The following CLIC5 variants were observed in gnomAD, a reference collection of about 807,000 sequenced individuals.
CLIC5 encodes CLIC family member 5.
CLIC5 carries 20 observed loss-of-function variants against 24.7 expected under a neutral mutation model. The ratio of observed to expected loss-of-function variants is 0.81; its 90% confidence interval spans 0.57 to 1.18. The LOEUF (loss-of-function observed/expected upper bound fraction) is 1.18, where lower values mean the gene tolerates loss of function less well. Among genes scored for constraint, CLIC5 ranks in the 50% most tolerant of loss-of-function variants. CLIC5 has a pLI of 0.00. For missense variants in CLIC5, 341 were observed against 326.1 expected, an observed-to-expected ratio of 1.05 and a Z score of -0.35; for synonymous variants, 159 against 135.6, an observed-to-expected ratio of 1.17 and a Z score of -1.20.
intron 6 of CLIC5, among the ~76,000 whole-genome samples, chr6:45,889,340 C>T (rs1762330303): frequency 6.6e-6 from 1 of 152,124 alleles, no homozygotes; most frequent in Non-Finnish European, 1.5e-5. Context: ...GAGAGCTCTA[C>T]CCTCATGACT....
downstream of CLIC5, among the ~76,000 whole-genome samples, chr6:45,896,556 A>G (rs1470161636): frequency 6.6e-6 from 1 of 152,222 alleles, no homozygotes; most frequent in Non-Finnish European, 1.5e-5. Context: ...CACAAGGTAA[A>G]ACTTACTGGG....
chr6:46,016,085 G>T (rs550186799), upstream of CLIC5, among the ~76,000 whole-genome samples: 12 of 151,110 alleles, frequency 7.9e-5, no homozygotes, highest in African/African-American at 2.9e-4. Flanking sequence ...GGCAGAAAGA[G>T]TCGAGGAGAA....
At chr6:46,010,784 G>A (rs1280841880) in intron 1 of CLIC5, among the ~76,000 whole-genome samples, 1 of 152,224 alleles carries the variant, frequency 6.6e-6, no homozygotes, top group Admixed American at 6.5e-5. Flanking sequence ...AGCACTCACT[G>A]CCATAGCAGG....
At chr6:46,073,404 TG>T (rs1762674505) in intron 1 of CLIC5, among the ~76,000 whole-genome samples, 1 of 152,208 alleles carries the variant, frequency 6.6e-6, no homozygotes, top group East Asian at 1.9e-4. Context: ...CCACGAAAAT[TG>T]GTTTATATGA....
intron 2 of CLIC5, among the ~76,000 whole-genome samples, chr6:45,952,473 C>T (rs749406620): frequency 6.0e-4 from 91 of 152,130 alleles, no homozygotes; most frequent in Non-Finnish European, 1.1e-3. Flanking sequence ...ACATGGCCTG[C>T]CTCGATAAAT....
the CLIC5 span, among the ~76,000 whole-genome samples, chr6:46,086,112 G>T: frequency 6.6e-5 from 10 of 152,320 alleles, 1 homozygote; most frequent in East Asian, 1.9e-3. Context: ...GCAGTATTAG[G>T]GTGGGAGTGA....
rs763828992 is a variant in CLIC5 at position 45,903,135 on chromosome 6, T to G, written c.709A>C (p.Ile237Leu). 1.2e-6 allele frequency: 2 copies of G among 1,614,198 alleles called. No individual in the cohort carries two copies. The highest frequency in any genetic ancestry group is 2.2e-5 in the South Asian group (2 of 91,076). The change falls in exon 6 of 6, where the codon ATC becomes CTC. Residue 237 changes from isoleucine to leucine, a missense_variant. By Grantham distance (5) the Ile-to-Leu change is conservative. Transcript: ENST00000339561. The part of the protein sequence containing the change: ...FTNTCAADSE[I>L]ELAYADVAKR... The stretch of plus-strand genomic sequence containing the variant: ...GCGACATCAGCGTAGGCCAACTCGA[T>G]CTCACTGTCAGCTGCACAGGTGTTG...
intron 1 of CLIC5, among the ~76,000 whole-genome samples, chr6:46,058,586 A>G (rs538893932): frequency 6.6e-6 from 1 of 152,240 alleles, no homozygotes; most frequent in Non-Finnish European, 1.5e-5. Context: ...ATATGTGCAA[A>G]GTGCCATGGG....
chr6:46,065,616 G>T (rs141152591), intron 1 of CLIC5, among the ~76,000 whole-genome samples: 1 of 152,104 alleles, frequency 6.6e-6, no homozygotes, highest in Non-Finnish European at 1.5e-5. Context: ...GCTGATTTAC[G>T]TACCAACATG....
the CLIC5 span, among the ~76,000 whole-genome samples, chr6:46,088,524 A>C: frequency 6.6e-6 from 1 of 152,198 alleles, no homozygotes; most frequent in Non-Finnish European, 1.5e-5. Flanking sequence ...TTACTATAGA[A>C]AAAGATAAGA....
chr6:46,054,073 G>C (rs1768179335), intron 1 of CLIC5, among the ~76,000 whole-genome samples: 1 of 152,102 alleles, frequency 6.6e-6, no homozygotes, highest in African/African-American at 2.4e-5. Context: ...GCTCCAGGTG[G>C]GGGTAGGCTG....
chr6:45,912,833 T>G, intron 5 of CLIC5: 1 of 867,796 alleles, frequency 1.2e-6, no homozygotes, highest in Non-Finnish European at 1.9e-6. Flanking sequence ...AAGTGACTAT[T>G]GGCTTGGCCC....
At chr6:46,100,574 C>G in the CLIC5 span, among the ~76,000 whole-genome samples, 5 of 152,168 alleles carry the variant, frequency 3.3e-5, no homozygotes, top group Non-Finnish European at 4.4e-5. Flanking sequence ...ACCACAGGGG[C>G]AGCAATTTAC....
In CLIC5 at chr6:46,039,648, TA is replaced by T. The variant is rs1304210798; in HGVS notation, c.540+40054del. Among the ~76,000 whole-genome samples, 5 of 152,176 alleles carry T rather than the reference TA, an allele frequency of 3.3e-5. No individual in the cohort carries two copies. The East Asian group carries it at 7.7e-4, about 23-fold the overall frequency. ...TATAAATAAAACAGATATGTTGGAA[TA>T]AAAAACAAAAGGGATTGTAAGGAAG... On this transcript the variant is annotated intron_variant, in intron 1 of 5. Transcript: ENST00000185206.
At chr6:45,944,136 A>G (rs567868901) in intron 3 of CLIC5, among the ~76,000 whole-genome samples, 2 of 152,260 alleles carry the variant, frequency 1.3e-5, no homozygotes, top group African/African-American at 4.8e-5. Context: ...CTAACTCAGG[A>G]GTCAGCAAAC....
chr6:45,960,953 T>A (rs1438548244), intron 1 of CLIC5, among the ~76,000 whole-genome samples: 1 of 152,220 alleles, frequency 6.6e-6, no homozygotes, highest in Non-Finnish European at 1.5e-5. Context: ...GAGAGTTTCC[T>A]TATATGTCAT....
At chr6:45,939,354 C>T (rs1373124019) in intron 4 of CLIC5, among the ~76,000 whole-genome samples, 1 of 151,184 alleles carries the variant, frequency 6.6e-6, no homozygotes, top group Admixed American at 6.6e-5. Context: ...GCTGGGACTA[C>T]AGGCATGTGC....
At chr6:46,040,469 A>T (rs564024826) in intron 1 of CLIC5, among the ~76,000 whole-genome samples, 10 of 151,978 alleles carry the variant, frequency 6.6e-5, no homozygotes, top group Non-Finnish European at 1.5e-4. Flanking sequence ...GGTGAAAGTA[A>T]TGGCGCTGGC....
chr6:45,921,835 A>T (rs1763273783), intron 4 of CLIC5, among the ~76,000 whole-genome samples: 1 of 152,096 alleles, frequency 6.6e-6, no homozygotes, highest in African/African-American at 2.4e-5. Context: ...TCTTAGTTTG[A>T]CAGTTTAGAG....
Sources: allele counts gnomAD v4.1 joint callset (sites outside exome capture counted in the v4.1 genomes callset), GRCh38; gene constraint gnomAD v4.1.1; transcripts MANE v1.5; gene names NCBI Gene and HGNC (gene_info 2026-07-23, HGNC 2026-07-21).